The following PSMC2 variants were observed in gnomAD, a reference collection of about 807,000 sequenced individuals.
PSMC2 encodes the protein 26S proteasome regulatory subunit 7.
A neutral mutation model predicts 53.3 loss-of-function variants in PSMC2; 7 were observed. The observed-to-expected ratio is 0.13, with a 90% confidence interval of 0.07 to 0.25. The LOEUF is 0.25. Among genes scored for constraint, PSMC2 ranks in the 10% least tolerant of loss-of-function variants. PSMC2 has a pLI of 1.00. For missense variants in PSMC2, 241 were observed against 544.0 expected (o/e 0.44, Z 5.54); for synonymous variants, 169 against 183.9 (o/e 0.92, Z 0.66).
intron 8 of PSMC2, 137 bp from the exon 9 acceptor site, chr7:103,365,935 TAAAA>T: frequency 1.5e-6 from 1 of 683,160 alleles, no homozygotes; most frequent in East Asian, 2.9e-5. Context: ...CTCAAAAAAA[TAAAA>T]AAATAAAAAA....
chr7:103,356,430 A>C (rs537397248), intron 4 of PSMC2, among the ~76,000 whole-genome samples: 1 of 152,312 alleles, frequency 6.6e-6, no homozygotes, highest in East Asian at 1.9e-4. Flanking sequence ...TGTGAAAATT[A>C]CTTTGGCCAG....
At position 103,369,167 on chromosome 7, in the gene PSMC2, A is replaced by T. The variant is rs1820882619; in HGVS notation, c.*1113A>T. Reference sequence around the variant, plus strand: ...CTTAAAATTATGAAAGTTTTCAAGTAAAGAAATTAAAGCCTTTTATAAAAT... The same window carrying T: ...CTTAAAATTATGAAAGTTTTCAAGTTAAGAAATTAAAGCCTTTTATAAAAT... On this transcript the variant is annotated 3_prime_UTR_variant, in exon 12 of 12. Transcript: ENST00000292644. 1 of 152,260 alleles carries T rather than the reference A, an allele frequency of 6.6e-6. No individual in the cohort carries two copies. The highest frequency in any genetic ancestry group is 6.5e-5 in the Admixed American group (1 of 15,286). 9.4% of individuals were successfully genotyped at this position (152,260 alleles called of 1,614,324 possible). A position where few individuals can be genotyped will look rare whatever the true frequency, so the allele number is the denominator to read the frequency against.
intron 4 of PSMC2, 58 bp from the exon 5 acceptor site, chr7:103,361,899 T>C: frequency 2.0e-6 from 3 of 1,519,598 alleles, no homozygotes; most frequent in Non-Finnish European, 2.7e-6. Flanking sequence ...TCTAGTTAGT[T>C]GAATTCATTA....
intron 4 of PSMC2, among the ~76,000 whole-genome samples, chr7:103,361,009 G>A (rs1820358009): frequency 6.6e-6 from 1 of 152,074 alleles, no homozygotes; most frequent in African/African-American, 2.4e-5. Context: ...AGCTACTTGG[G>A]AGGCTGAGGC....
chr7:103,362,341 A>C (rs1820459547), intron 5 of PSMC2: 1 of 1,361,222 alleles, frequency 7.3e-7, no homozygotes, highest in East Asian at 3.0e-5. Context: ...TTACCAGTCC[A>C]TTTAAGGTAA....
At chr7:103,364,981 A>ATATATATATATATTTATT (rs950613120) in intron 8 of PSMC2, among the ~76,000 whole-genome samples, 3 of 140,802 alleles carry the variant, frequency 2.1e-5, no homozygotes, top group African/African-American at 7.9e-5. Flanking sequence ...ATATATATAT[A>ATATATATATATATTTATT]TATTTAGAGA....
chr7:103,354,074 A>C, intron 2 of PSMC2, 116 bp downstream of exon 2: 1 of 770,242 alleles, frequency 1.3e-6, no homozygotes, highest in East Asian at 2.9e-5. Flanking sequence ...TTAAAAAACC[A>C]AACAAAAAAT....
At chr7:103,362,625 A>G in intron 5 of PSMC2, 61 bp from the exon 6 acceptor site, 1 of 1,507,384 alleles carries the variant, frequency 6.6e-7, no homozygotes, top group South Asian at 1.1e-5. Flanking sequence ...AAAGGACTAA[A>G]CATAAAAGCA....
At chr7:103,358,462 A>AT (rs1820169864) in intron 4 of PSMC2, among the ~76,000 whole-genome samples, 1 of 151,912 alleles carries the variant, frequency 6.6e-6, no homozygotes, top group African/African-American at 2.4e-5. Context: ...GGCCTCCAGG[A>AT]TTGCTCCTCT....
chr7:103,352,342 G>GCA (rs1819773356), intron 1 of PSMC2, among the ~76,000 whole-genome samples: 1 of 147,602 alleles, frequency 6.8e-6, no homozygotes, highest in African/African-American at 2.5e-5. Flanking sequence ...TGAATGGTCA[G>GCA]TTGGGAAGTA....
intron 6 of PSMC2, 59 bp from the exon 7 acceptor site, chr7:103,363,283 AAT>A: frequency 7.4e-7 from 1 of 1,352,464 alleles, no homozygotes; most frequent in South Asian, 1.2e-5. Flanking sequence ...TATTCTATTG[AAT>A]TTGGACAGTA....
At chr7:103,362,544 C>G (rs1820470445) in intron 5 of PSMC2, 142 bp from the exon 6 acceptor site, 15 of 1,386,460 alleles carry the variant, frequency 1.1e-5, no homozygotes, top group South Asian at 1.4e-5. Flanking sequence ...ATTTCATGCT[C>G]TCTTTATTTC....
Position 103,354,958 on chromosome 7 carries a change from T to C in PSMC2, c.190+9T>C, listed in dbSNP as rs1819948307. ...AATTAATGAGCTCACTGGTATGTAT[T>C]TTTAAATTCCCATTTCCTTCCTTTA... On this transcript the variant is annotated intron_variant, in intron 3 of 11. Coordinates refer to ENST00000292644, the MANE Select transcript of PSMC2 (RefSeq NM_002803.4). The C allele has an allele frequency of 6.4e-7, 1 of 1,562,632 alleles. No homozygotes were observed. Among genetic ancestry groups the C allele is most frequent in the Non-Finnish European group, 8.8e-7 (1 of 1,134,196 alleles).
chr7:103,359,016 C>T lies in PSMC2; in HGVS notation c.291-2941C>T, dbSNP rs1321217700. On this transcript the variant is annotated intron_variant, in intron 4 of 11. Transcript: ENST00000292644. ...TTTTTTTTTTTGAGACAAGGTCTCA[C>T]TTTGTTACCAAGGCTGGAGTGCAGT... 3.3e-5 allele frequency among the ~76,000 whole-genome samples: 5 copies of T among 150,002 alleles called. No homozygotes were observed. The South Asian group carries it at 8.5e-4, about 25-fold the overall frequency.
rs201746080 is a variant in PSMC2 at position 103,367,776 on chromosome 7, G to C, written c.1111G>C (p.Glu371Gln). 6.2e-7 allele frequency: 1 copy of C among 1,613,924 alleles called. No homozygotes were observed. Among genetic ancestry groups the C allele is most frequent in the Non-Finnish European group, 8.5e-7 (1 of 1,179,940 alleles). Residue 371 changes from glutamate to glutamine, a missense_variant, in exon 11 of 12, where the codon GAA becomes CAA. By Grantham distance (29) the Glu-to-Gln change is conservative. Around this residue, in one of 6 missense-constraint regions of PSMC2, gnomAD observed 60 missense variants for 115.8 expected, o/e 0.52. Transcript: ENST00000292644. This position sits in a 1 kb window ranked among gnomAD's most constrained non-coding sequence, Gnocchi z 6.1. ...SMSVERDIRF[E>Q]LLARLCPNST... ...GAGTGTTGAAAGAGATATCAGATTT[G>C]AACTGTTAGCACGACTGTGTCCAAA...
At chr7:103,358,306 G>C (rs186887883) in intron 4 of PSMC2, among the ~76,000 whole-genome samples, 34 of 152,222 alleles carry the variant, frequency 2.2e-4, no homozygotes, top group African/African-American at 7.9e-4. Flanking sequence ...ATTTCATGGT[G>C]ATGTGCCTTG....
chr7:103,348,604 G>T (rs1008781444), intron 1 of PSMC2: 45 of 1,070,708 alleles, frequency 4.2e-5, no homozygotes, highest in Non-Finnish European at 5.9e-5. Context: ...GACCAAGATG[G>T]GTCACCAGAA....
At chr7:103,348,470 G>C (rs1819654582) in intron 1 of PSMC2, 2 of 529,626 alleles carry the variant, frequency 3.8e-6, no homozygotes, top group African/African-American at 1.9e-5. Context: ...CACTTCCTCT[G>C]CATCTGCATA....
chr7:103,365,635 ATAAAAT>A (rs1210894877), intron 8 of PSMC2, among the ~76,000 whole-genome samples: 1 of 152,082 alleles, frequency 6.6e-6, no homozygotes, highest in East Asian at 1.9e-4. Flanking sequence ...GTCTCAAAAA[ATAAAAT>A]TAAAATAGCT....
Sources: allele counts gnomAD v4.1 joint callset (sites outside exome capture counted in the v4.1 genomes callset), GRCh38; gene constraint gnomAD v4.1.1; regional missense constraint gnomAD v4.1.1; non-coding constraint Gnocchi (gnomAD v3.1); transcripts MANE v1.5; gene names NCBI Gene and HGNC (gene_info 2026-07-23, HGNC 2026-07-21).